The following RPTOR variants were observed in gnomAD, a reference collection of about 807,000 sequenced individuals.
The protein encoded by RPTOR is regulatory associated protein of MTOR complex 1.
Under a neutral mutation model 169.9 loss-of-function variants are expected in RPTOR, and 21 were observed. The observed-to-expected ratio is 0.12, with a 90% CI of 0.09 to 0.18. The LOEUF is 0.18. RPTOR is among the 10% of genes least tolerant of loss of function. RPTOR has a pLI of 1.00. For synonymous variants in RPTOR, 732 were observed against 753.2 expected (o/e 0.97, Z 0.46); for missense variants, 1,133 against 1,855.9 (o/e 0.61, Z 7.16).
chr17:80,666,036 G>A (rs987249922), intron 3 of RPTOR, among the ~76,000 whole-genome samples: 8 of 152,242 alleles, frequency 5.3e-5, no homozygotes, highest in African/African-American at 1.9e-4. Context: ...GGACTTGTGG[G>A]CTGAGCAGGG....
intron 2 of RPTOR, among the ~76,000 whole-genome samples, chr17:80,627,307 A>G (rs1374072841): frequency 6.6e-6 from 1 of 152,260 alleles, no homozygotes; most frequent in Non-Finnish European, 1.5e-5. Flanking sequence ...GGCGTGAGAC[A>G]CCATGCCCGG....
At chr17:80,863,962 G>A (rs2067950450) in intron 13 of RPTOR, among the ~76,000 whole-genome samples, 1 of 151,844 alleles carries the variant, frequency 6.6e-6, no homozygotes, top group Non-Finnish European at 1.5e-5. Flanking sequence ...CAAAAATGAA[G>A]CATGGTAAGA....
chr17:80,786,593 C>G (rs1292593317), intron 6 of RPTOR, among the ~76,000 whole-genome samples: 3 of 152,150 alleles, frequency 2.0e-5, no homozygotes, highest in Non-Finnish European at 4.4e-5. Flanking sequence ...CATTCATGGG[C>G]AGAAACGAAA....
At chr17:80,858,196 T>G in intron 13 of RPTOR, 1 of 410,576 alleles carries the variant, frequency 2.4e-6, no homozygotes, top group East Asian at 4.6e-5. Flanking sequence ...TCAGTCCCCC[T>G]GCCTGTGTCT....
chr17:80,549,033 G>A (rs2084313453), intron 1 of RPTOR, among the ~76,000 whole-genome samples: 1 of 152,186 alleles, frequency 6.6e-6, no homozygotes, highest in Non-Finnish European at 1.5e-5. Flanking sequence ...TGACTCCCAA[G>A]AAGTTTTTTT....
rs139746545 is a variant in RPTOR at position 80,952,855 on chromosome 17, CTTTTTTTTTTTTTTT to C, written c.3370+3321_3370+3335del. 8.2e-5 allele frequency among the ~76,000 whole-genome samples: 8 copies of C among 98,070 alleles called. No homozygotes were observed. In the South Asian group the frequency reaches 1.0e-3, roughly 13 times the overall value. The allele number at this position is 98,070 out of a possible 152,430, so 64.3% of individuals were successfully genotyped here. On this transcript the variant is annotated intron_variant, in intron 28 of 33. Coordinates refer to ENST00000306801, the MANE Select transcript of RPTOR (RefSeq NM_020761.3). ...CTCTCCCTTCTCTTTTTCTTTTCTT[CTTTTTTTTTTTTTTT>C]TTTTTTTTTTTTGAGGTGGAGTCTC...
intron 7 of RPTOR, among the ~76,000 whole-genome samples, chr17:80,809,870 C>T (rs995923801): frequency 1.3e-5 from 2 of 151,998 alleles, no homozygotes; most frequent in Admixed American, 1.3e-4. Flanking sequence ...AAGCCCGTCT[C>T]TAATAAAAAT....
intron 6 of RPTOR, among the ~76,000 whole-genome samples, chr17:80,775,846 A>C (rs973574940): frequency 6.6e-6 from 1 of 152,230 alleles, no homozygotes; most frequent in African/African-American, 2.4e-5. Context: ...CCATATATGC[A>C]CATAATTTTA....
intron 3 of RPTOR, among the ~76,000 whole-genome samples, chr17:80,660,249 C>G (rs886378053): frequency 5.7e-5 from 8 of 140,756 alleles, no homozygotes; most frequent in Non-Finnish European, 1.2e-4. Context: ...CCAGCCTGGG[C>G]GGCAGAGCGA....
intron 5 of RPTOR, among the ~76,000 whole-genome samples, chr17:80,738,237 T>G (rs1053718700): frequency 6.6e-6 from 1 of 152,204 alleles, no homozygotes; most frequent in African/African-American, 2.4e-5. Flanking sequence ...GTGGACACCC[T>G]CGCCTTTGGT....
Position 80,947,167 on chromosome 17 carries a change from A to G in RPTOR, c.3141-60A>G. On this transcript the variant is annotated intron_variant, in intron 26 of 33. Transcript: ENST00000306801. This position sits in a 1 kb window ranked among gnomAD's most constrained non-coding sequence, Gnocchi z 4.4. ...CCCGGTGGGTTTCAGGAGGTATCTC[A>G]CTGTCATTTGGGTTTGCAGTTTCCT... 13 of 1,474,168 alleles carry G rather than the reference A, an allele frequency of 8.8e-6. No homozygotes were observed. The highest frequency in any genetic ancestry group is 1.4e-5 in the South Asian group (1 of 70,586). 91.3% of individuals were successfully genotyped at this position (1,474,168 alleles called of 1,614,324 possible).
chr17:80,733,181 A>G (rs1001394423), intron 5 of RPTOR, among the ~76,000 whole-genome samples: 1 of 152,208 alleles, frequency 6.6e-6, no homozygotes, highest in Non-Finnish European at 1.5e-5. Flanking sequence ...AGAGTAGAAG[A>G]CGACTTCATC....
chr17:80,771,708 G>A (rs1049256439), intron 6 of RPTOR, among the ~76,000 whole-genome samples: 1 of 152,046 alleles, frequency 6.6e-6, no homozygotes, highest in Non-Finnish European at 1.5e-5. Context: ...TGGGTGGGGT[G>A]GGGGTGGGTG....
At chr17:80,787,746 C>T (rs4969266) in intron 6 of RPTOR, among the ~76,000 whole-genome samples, 30,571 of 151,976 alleles carry the variant, frequency 0.2, 3,965 homozygotes, top group East Asian at 0.47. Flanking sequence ...CCTGGATTTG[C>T]GTTTCTCTCA....
At chr17:80,925,863 G>A (rs191626612) in intron 24 of RPTOR, among the ~76,000 whole-genome samples, 41 of 152,330 alleles carry the variant, frequency 2.7e-4, no homozygotes, top group Non-Finnish European at 8.8e-5. Flanking sequence ...GCGCATTTGG[G>A]GTTACACCAC....
intron 7 of RPTOR, among the ~76,000 whole-genome samples, chr17:80,813,817 T>A (rs1326947263): frequency 6.6e-6 from 1 of 152,236 alleles, no homozygotes; most frequent in Non-Finnish European, 1.5e-5. Context: ...GAATTTAATC[T>A]GAGATGATAT....
At chr17:80,724,229 C>G (rs376423294) in intron 4 of RPTOR, among the ~76,000 whole-genome samples, 1 of 150,994 alleles carries the variant, frequency 6.6e-6, no homozygotes, top group East Asian at 1.9e-4. Flanking sequence ...AGAGCTGGTT[C>G]CCCTTGGAGC....
At chr17:80,836,126 C>T (rs1001221888) in intron 9 of RPTOR, among the ~76,000 whole-genome samples, 2 of 152,212 alleles carry the variant, frequency 1.3e-5, no homozygotes, top group South Asian at 2.1e-4. Flanking sequence ...GCCTCCCACA[C>T]GGGCTCCCTG....
At chr17:80,741,335 G>C (rs1251819778) in intron 5 of RPTOR, among the ~76,000 whole-genome samples, 1 of 152,162 alleles carries the variant, frequency 6.6e-6, no homozygotes, top group Non-Finnish European at 1.5e-5. Flanking sequence ...GGAGGGCAGT[G>C]CAGGAGGCCA....
Sources: gnomAD v4.1 joint callset for allele counts (sites outside exome capture counted in the v4.1 genomes callset) on GRCh38, gnomAD v4.1.1 for gene constraint, Gnocchi (gnomAD v3.1) non-coding constraint, MANE v1.5 for transcripts, NCBI Gene and HGNC (gene_info 2026-07-23, HGNC 2026-07-21) for gene names.